PFKFB3: variants seen among roughly 807,000 people sequenced by gnomAD.
The protein encoded by PFKFB3 is 6-phosphofructo-2-kinase/fructose-2,6-biphosphatase 3, also known as 6-phosphofructo-2-kinase/fructose-2,6-bisphosphatase 3.
Under a neutral mutation model 68.0 loss-of-function variants are expected in PFKFB3, and 33 were observed. The observed-to-expected ratio is 0.49, with a 90% confidence interval of 0.37 to 0.65. The LOEUF is 0.65. Among genes scored for constraint, PFKFB3 ranks in the 30% least tolerant of loss-of-function variants. The probability of loss-of-function intolerance (pLI) is 0.00; values close to 1 mark genes in which losing one functional copy is unlikely to be tolerated. For missense variants in PFKFB3, 586 were observed against 712.2 expected (o/e 0.82, Z 2.02); for synonymous variants, 315 against 288.2 (o/e 1.09, Z -0.94).
the PFKFB3 span, among the ~76,000 whole-genome samples, chr10:6,312,009 A>C: frequency 6.6e-6 from 1 of 152,188 alleles, no homozygotes; most frequent in Non-Finnish European, 1.5e-5. Context: ...GTTCATAAGA[A>C]TCGGGGGCAG....
At chr10:6,146,602 T>A (rs1564580631) in intron 1 of PFKFB3, 2 of 1,157,396 alleles carry the variant, frequency 1.7e-6, no homozygotes, top group East Asian at 2.6e-5. Context: ...TCTGACTTCA[T>A]CGCTTCTGCC....
At position 6,203,350 on chromosome 10, in the gene PFKFB3, C is replaced by G. The variant is rs1190650230; in HGVS notation, c.76+14C>G. The stretch of plus-strand genomic sequence containing the variant: ...CGTTGCCCAGATGTGAGTGCAGCTG[C>G]GCGGAGCCGGGTTGCAGGGCGGGCT... On this transcript the variant is annotated intron_variant, in intron 1 of 14. Transcript: ENST00000379775. 2 of 1,588,046 alleles carry G rather than the reference C, an allele frequency of 1.3e-6. No homozygotes were observed. Among genetic ancestry groups the G allele is most frequent in the Non-Finnish European group, 1.7e-6 (2 of 1,165,870 alleles).
intron 1 of PFKFB3, among the ~76,000 whole-genome samples, chr10:6,211,801 T>A (rs1370625583): frequency 6.6e-6 from 1 of 152,162 alleles, no homozygotes; most frequent in Non-Finnish European, 1.5e-5. Context: ...TGATAGCCTG[T>A]CTGTCTCCTT....
intron 1 of PFKFB3, among the ~76,000 whole-genome samples, chr10:6,166,259 G>A (rs1015439928): frequency 6.6e-6 from 1 of 152,052 alleles, no homozygotes; most frequent in Non-Finnish European, 1.5e-5. Flanking sequence ...TGGGATTAAG[G>A]TGTGAGCTAC....
At chr10:6,195,475 G>GTGT (rs964169141) in intron 1 of PFKFB3, among the ~76,000 whole-genome samples, 93 of 152,348 alleles carry the variant, frequency 6.1e-4, no homozygotes, top group African/African-American at 2.2e-3. Flanking sequence ...CAAGATCCAA[G>GTGT]TGTTCAAGGG....
At chr10:6,209,958 G>T (rs1844057069) in intron 1 of PFKFB3, among the ~76,000 whole-genome samples, 2 of 151,650 alleles carry the variant, frequency 1.3e-5, no homozygotes, top group Admixed American at 6.6e-5. Flanking sequence ...TAGAGATGGG[G>T]TTTCGCTGTG....
chr10:6,241,360 G>T (rs553962179), intron 14 of PFKFB3, among the ~76,000 whole-genome samples: 15 of 152,328 alleles, frequency 9.8e-5, no homozygotes, highest in African/African-American at 3.4e-4. Context: ...TTCTGGGGAT[G>T]TTAACTTTGA....
chr10:6,153,445 G>T (rs968953793), intron 1 of PFKFB3, among the ~76,000 whole-genome samples: 4 of 152,176 alleles, frequency 2.6e-5, no homozygotes, highest in Non-Finnish European at 5.9e-5. Flanking sequence ...TTGGTCCTTG[G>T]TAGATGCTTT....
At chr10:6,213,887 C>G (rs912152820) in intron 2 of PFKFB3, 139 bp downstream of exon 2, 20 of 844,020 alleles carry the variant, frequency 2.4e-5, no homozygotes, top group Non-Finnish European at 3.5e-5. Context: ...TCCCATGCAG[C>G]TGGGTCCCCT....
chr10:6,311,095 TG>T, the PFKFB3 span, among the ~76,000 whole-genome samples: 1 of 152,210 alleles, frequency 6.6e-6, no homozygotes, highest in East Asian at 1.9e-4. Context: ...TCTTCACTAA[TG>T]GGAATGAACA....
Position 6,215,122 on chromosome 10 carries a change from G to T in PFKFB3, c.203-99G>T. ...CCATCTCATTCAAGTCGGTGTGGTT[G>T]GCCTGGTGGCTCTTCCTTTGGTCGA... On this transcript the variant is annotated intron_variant, in intron 2 of 14. Coordinates refer to ENST00000379775, the MANE Select transcript of PFKFB3 (RefSeq NM_004566.4). This position sits in a 1 kb window ranked among gnomAD's most constrained non-coding sequence, Gnocchi z 4.3. The T allele has an allele frequency of 1.1e-6, 1 of 932,712 alleles. No individual in the cohort carries two copies. Among genetic ancestry groups the T allele is most frequent in the Non-Finnish European group, 1.7e-6 (1 of 580,898 alleles). The allele number at this position is 932,712 out of a possible 1,614,324, so 57.8% of individuals were successfully genotyped here.
At chr10:6,211,688 A>C (rs2516617) in intron 1 of PFKFB3, among the ~76,000 whole-genome samples, 37,044 of 152,092 alleles carry the variant, frequency 0.24, 4,696 homozygotes, top group African/African-American at 0.31. Flanking sequence ...TGCCCGGCTC[A>C]CCCTGGGCAG....
the PFKFB3 span, among the ~76,000 whole-genome samples, chr10:6,267,415 T>C: frequency 6.6e-6 from 1 of 152,204 alleles, no homozygotes. Context: ...TGTACTTGGC[T>C]AATACAGGGA....
At chr10:6,314,591 C>A in the PFKFB3 span, among the ~76,000 whole-genome samples, 5 of 152,306 alleles carry the variant, frequency 3.3e-5, no homozygotes, top group South Asian at 1.0e-3. Flanking sequence ...ACTTCTTCAA[C>A]CCCCCACTCT....
At chr10:6,170,464 C>T (rs894101140) in intron 1 of PFKFB3, among the ~76,000 whole-genome samples, 4 of 152,066 alleles carry the variant, frequency 2.6e-5, no homozygotes, top group Admixed American at 6.5e-5. Flanking sequence ...TGCCTGTAAT[C>T]CCAGCACTTT....
At chr10:6,203,892 C>G (rs1414878537) in intron 1 of PFKFB3, among the ~76,000 whole-genome samples, 1 of 151,764 alleles carries the variant, frequency 6.6e-6, no homozygotes, top group Non-Finnish European at 1.5e-5. Context: ...CTGTTTCTTT[C>G]TGCTTTTATC....
chr10:6,233,287 T>G lies in PFKFB3; in HGVS notation c.*345T>G. The G allele has an allele frequency of 4.2e-6, 1 of 236,966 alleles. No homozygotes were observed. 14.7% of individuals were successfully genotyped at this position (236,966 alleles called of 1,614,324 possible). Reference sequence around the variant, plus strand: ...AGGCCGCTGGGGACACTGTGCTGTTTTGTTTCGTTTCTGTGATCTCCCGGC... The same window carrying G: ...AGGCCGCTGGGGACACTGTGCTGTTGTGTTTCGTTTCTGTGATCTCCCGGC... On this transcript the variant is annotated 3_prime_UTR_variant, in exon 15 of 15. Coordinates refer to ENST00000379775, the MANE Select transcript of PFKFB3 (RefSeq NM_004566.4).
chr10:6,297,599 G>A, the PFKFB3 span, among the ~76,000 whole-genome samples: 2 of 152,128 alleles, frequency 1.3e-5, no homozygotes, highest in Admixed American at 1.3e-4. Context: ...ACTGCTGTAG[G>A]AGCAAGATGT....
chr10:6,157,193 TAAC>T (rs1244446223), intron 1 of PFKFB3, among the ~76,000 whole-genome samples: 1 of 152,030 alleles, frequency 6.6e-6, no homozygotes, highest in African/African-American at 2.4e-5. Context: ...TGCCTCATAG[TAAC>T]AACAAAGGTG....
Sources: gnomAD v4.1 joint callset for allele counts (sites outside exome capture counted in the v4.1 genomes callset) on GRCh38, gnomAD v4.1.1 for gene constraint, Gnocchi (gnomAD v3.1) non-coding constraint, MANE v1.5 for transcripts, NCBI Gene and HGNC (gene_info 2026-07-23, HGNC 2026-07-21) for gene names.